NLRP5: variants seen among roughly 807,000 people sequenced by gnomAD.
NLRP5 encodes the protein NLR family pyrin domain containing 5.
NLRP5 carries 93 observed loss-of-function variants against 113.1 expected under a neutral mutation model. That is an observed-to-expected ratio of 0.82 (90% CI 0.70 to 0.98). NLRP5 has a LOEUF of 0.98. NLRP5 is among the 50% of genes least tolerant of loss of function. The pLI is 0.00. For missense variants in NLRP5, 1,808 were observed against 1,514.3 expected, an observed-to-expected ratio of 1.19 and a Z score of -3.22; for synonymous variants, 751 against 600.7, an observed-to-expected ratio of 1.25 and a Z score of -3.66.
intron 2 of NLRP5, among the ~76,000 whole-genome samples, chr19:56,006,128 A>G (rs1414168859): frequency 6.6e-6 from 1 of 152,216 alleles, no homozygotes; most frequent in Non-Finnish European, 1.5e-5. Context: ...CTTTATAGGG[A>G]CATGGATGAA....
intron 10 of NLRP5, 79 bp from the exon 11 acceptor site, chr19:56,040,842 TC>T: frequency 8.1e-7 from 1 of 1,231,482 alleles, no homozygotes; most frequent in East Asian, 2.4e-5. Context: ...GATACGTCTT[TC>T]CCCTCCTTGT....
At chr19:55,999,608 C>T (rs1292703284), upstream of NLRP5, 2 of 782,992 alleles carry the variant, frequency 2.6e-6, no homozygotes, top group Admixed American at 1.8e-5. Context: ...CCGACCGGCT[C>T]ACTTGTTGCT....
chr19:56,039,655 G>C (rs1178453934), intron 10 of NLRP5, among the ~76,000 whole-genome samples: 3 of 152,222 alleles, frequency 2.0e-5, no homozygotes, highest in African/African-American at 7.2e-5. Context: ...GCTCACGCCT[G>C]TAACCCAGCA....
In NLRP5 at chr19:56,007,359, C is replaced by CTT. The variant is rs35019402; in HGVS notation, c.443-1418_443-1417dup. On this transcript the variant is annotated intron_variant, in intron 2 of 14. Coordinates refer to ENST00000390649, the MANE Select transcript of NLRP5 (RefSeq NM_153447.4). ...AGCCTGGGCGACAGATTGAGACTGT[C>CTT]TTTTTTTTTTTTATAGAAAGTCTTA... 3.2e-3 allele frequency among the ~76,000 whole-genome samples: 471 copies of CTT among 145,928 alleles called. 7 individuals carry two copies. Among genetic ancestry groups the CTT allele is most frequent in the South Asian group, 9.2e-3 (43 of 4,678 alleles).
chr19:56,046,601 C>T (rs966274933), intron 11 of NLRP5, among the ~76,000 whole-genome samples: 15 of 151,840 alleles, frequency 9.9e-5, no homozygotes, highest in Admixed American at 2.0e-4. Context: ...AGTGCAGTGG[C>T]GCGATCTCGG....
At chr19:56,008,096 T>C in intron 2 of NLRP5, among the ~76,000 whole-genome samples, 1 of 143,386 alleles carries the variant, frequency 7.0e-6, no homozygotes, top group East Asian at 2.0e-4. Flanking sequence ...GCCCGGCTAA[T>C]TTTTTGTATT....
Position 56,043,745 on chromosome 19 carries a change from TTG to T in NLRP5, c.2957+2661_2957+2662del, listed in dbSNP as rs370131182. 5.7e-4 allele frequency among the ~76,000 whole-genome samples: 86 copies of T among 151,212 alleles called. No homozygotes were observed. The East Asian group carries it at 0.016, about 28-fold the overall frequency. On this transcript the variant is annotated intron_variant, in intron 11 of 14. Transcript: ENST00000390649. The stretch of plus-strand genomic sequence containing the variant: ...CCACCACCACACCCGGCTAATTTTT[TTG>T]TGTGTGTTTTTAGTAGAGACAGGGT...
At chr19:56,049,634 C>G (rs1039025585) in intron 11 of NLRP5, among the ~76,000 whole-genome samples, 1 of 152,076 alleles carries the variant, frequency 6.6e-6, no homozygotes, top group African/African-American at 2.4e-5. Flanking sequence ...TCTACTTGTT[C>G]AATTCTATTG....
At position 56,028,179 on chromosome 19, in the gene NLRP5, T is replaced by C; in HGVS notation, c.1946T>C (p.Leu649Pro). 6.2e-7 allele frequency: 1 copy of C among 1,614,026 alleles called. No homozygotes were observed. The highest frequency in any genetic ancestry group is 8.5e-7 in the Non-Finnish European group (1 of 1,179,896). Residue 649 changes from leucine to proline, a missense_variant, in exon 7 of 15, where the codon CTG (leucine) becomes CCG (proline). Coordinates refer to ENST00000390649, the MANE Select transcript of NLRP5 (RefSeq NM_153447.4). Reference sequence around the variant, plus strand: ...GTGAGCGAAGACGTAAGGAGGCCACTGGAGGTCCTGCTGGGCTGTCCCGTT... The same window carrying C: ...GTGAGCGAAGACGTAAGGAGGCCACCGGAGGTCCTGCTGGGCTGTCCCGTT...
Position 56,027,510 on chromosome 19 carries a change from AC to A in NLRP5, c.1279del (p.Leu427CysfsTer2). 1 of 1,613,930 alleles carries A rather than the reference AC, an allele frequency of 6.2e-7. No individual in the cohort carries two copies. Among genetic ancestry groups the A allele is most frequent in the Non-Finnish European group, 8.5e-7 (1 of 1,179,878 alleles). On this transcript the variant is annotated frameshift_variant, in exon 7 of 15. Coordinates refer to ENST00000390649, the MANE Select transcript of NLRP5 (RefSeq NM_153447.4). LOFTEE classifies it high-confidence loss of function. ...AAGTCAGAGGTCGTGTCTCCCCGTT[AC>A]CTGTTAGTTAGAGGAATCTCCGGGG...
intron 3 of NLRP5, among the ~76,000 whole-genome samples, chr19:56,013,234 T>C (rs3097883): frequency 0.78 from 119,131 of 151,978 alleles, 46,953 homozygotes; most frequent in Middle Eastern, 0.89. Context: ...GCTCTGTTGC[T>C]GAGGCTGGAG....
At chr19:56,054,973 T>A (rs1984075057) in intron 13 of NLRP5, among the ~76,000 whole-genome samples, 1 of 150,498 alleles carries the variant, frequency 6.6e-6, no homozygotes, top group African/African-American at 2.4e-5. Context: ...TAAGAGGCTT[T>A]AATCTGGGCA....
rs71183002 is a variant in NLRP5, at chr19:56,013,596, GTTTTT to G, written c.509-2129_509-2125del. On this transcript the variant is annotated intron_variant, in intron 3 of 14. Transcript: ENST00000390649. ...CATTTATCACATGATGGACATTTGG[GTTTTT>G]TTTTTTTTTTTTTTTTGCTATTATG... 8.3e-4 allele frequency among the ~76,000 whole-genome samples: 49 copies of G among 59,288 alleles called. 2 individuals are homozygous for G. The highest frequency in any genetic ancestry group is 2.5e-3 in the Admixed American group (12 of 4,860). 38.9% of individuals were successfully genotyped at this position (59,288 alleles called of 152,430 possible).
At position 56,007,918 on chromosome 19, in the gene NLRP5, T is replaced by TGTGTGTGTGCGCGCGCGCGCGTGC. The variant is rs1982005290; in HGVS notation, c.443-861_443-860insCGCGCGCGCGCGTGCGTGTGTGTG. On this transcript the variant is annotated intron_variant, in intron 2 of 14. Transcript: ENST00000390649. ...GTGCGCGCGTGCGTGTGTGTGTGTG[T>TGTGTGTGTGCGCGCGCGCGCGTGC]GTGTGTGTGTGTGTGTTTGAAACAG... Among the ~76,000 whole-genome samples, 4 of 75,666 alleles carry TGTGTGTGTGCGCGCGCGCGCGTGC rather than the reference T, an allele frequency of 5.3e-5. 1 individual carries two copies. The highest frequency in any genetic ancestry group is 1.6e-4 in the African/African-American group (4 of 24,358). 49.6% of individuals were successfully genotyped at this position (75,666 alleles called of 152,430 possible). A position where few individuals can be genotyped will look rare whatever the true frequency, so the allele number is the denominator to read the frequency against.
intron 2 of NLRP5, among the ~76,000 whole-genome samples, chr19:56,006,053 TAGAG>T (rs1347641379): frequency 6.6e-6 from 1 of 152,068 alleles, no homozygotes; most frequent in Non-Finnish European, 1.5e-5. Flanking sequence ...TTCCATGAGG[TAGAG>T]AGAAAGAAAT....
In NLRP5 at chr19:56,001,336, C is replaced by CAA. The variant is rs1491437564; in HGVS notation, c.62+1551_62+1552dup. 1.0e-4 allele frequency among the ~76,000 whole-genome samples: 13 copies of CAA among 129,626 alleles called. No individual in the cohort carries two copies. The East Asian group carries it at 1.7e-3, about 17-fold the overall frequency. The allele number at this position is 129,626 out of a possible 152,430, so 85.0% of individuals were successfully genotyped here. A position where few individuals can be genotyped will look rare whatever the true frequency, so the allele number is the denominator to read the frequency against. On this transcript the variant is annotated intron_variant, in intron 1 of 14. Coordinates refer to ENST00000390649, the MANE Select transcript of NLRP5 (RefSeq NM_153447.4). ...AGACTCAGTCATTTAAAAAAAAAAA[C>CAA]AAACAAAAAACACCACAGCTTATTG... is the stretch of plus-strand genomic sequence containing the variant.
chr19:56,006,368 T>C (rs1264908029), intron 2 of NLRP5, among the ~76,000 whole-genome samples: 1 of 152,088 alleles, frequency 6.6e-6, no homozygotes, highest in African/African-American at 2.4e-5. Context: ...AGCACATGTA[T>C]ACATATGTAA....
Position 56,009,339 on chromosome 19 carries a change from C to CAAAAAA in NLRP5, c.508+501_508+506dup, listed in dbSNP as rs71296979. Among the ~76,000 whole-genome samples, 70 of 44,304 alleles carry CAAAAAA rather than the reference C, an allele frequency of 1.6e-3. 6 individuals carry two copies. Among genetic ancestry groups the CAAAAAA allele is most frequent in the African/African-American group, 2.6e-3 (30 of 11,530 alleles). The allele number at this position is 44,304 out of a possible 152,430, so 29.1% of individuals were successfully genotyped here. ...TGGGCGACAGAACGAGACTCCATCT[C>CAAAAAA]AAAAAAAAAAAAAAAAAAAAGAGTT... On this transcript the variant is annotated intron_variant, in intron 3 of 14. Transcript: ENST00000390649.
intron 6 of NLRP5, among the ~76,000 whole-genome samples, chr19:56,021,927 G>A (rs533179847): frequency 3.3e-5 from 5 of 152,310 alleles, no homozygotes; most frequent in South Asian, 4.1e-4. Flanking sequence ...GATCTGGTGG[G>A]TGGTGATGCC....
Sources: gnomAD v4.1 joint callset for allele counts (sites outside exome capture counted in the v4.1 genomes callset) on GRCh38, gnomAD v4.1.1 for gene constraint, MANE v1.5 for transcripts, NCBI Gene and HGNC (gene_info 2026-07-23, HGNC 2026-07-21) for gene names.